The following UROC1 variants were observed in gnomAD, a reference collection of about 807,000 sequenced individuals.
UROC1 encodes the protein urocanate hydratase 1.
In UROC1, 79 loss-of-function variants were observed where a neutral mutation model predicts 89.5. The observed-to-expected ratio is 0.88, with a 90% CI of 0.74 to 1.06. The LOEUF is 1.06. Among genes scored for constraint, UROC1 ranks in the 50% least tolerant of loss-of-function variants. The pLI is 0.00. For missense variants in UROC1, 885 were observed against 907.8 expected, an observed-to-expected ratio of 0.97 and a Z score of 0.32; for synonymous variants, 361 against 354.8, an observed-to-expected ratio of 1.02 and a Z score of -0.20.
chr3:126,512,036 T>A (rs1490838968), intron 1 of UROC1, among the ~76,000 whole-genome samples: 1 of 152,248 alleles, frequency 6.6e-6, no homozygotes, highest in Non-Finnish European at 1.5e-5. Flanking sequence ...TAGAGTTACC[T>A]AACAGGCATG....
In UROC1 at chr3:126,503,979, G is replaced by C. The variant is rs1242392066; in HGVS notation, c.902+16C>G. 6.2e-7 allele frequency: 1 copy of C among 1,613,932 alleles called. No homozygotes were observed. The highest frequency in any genetic ancestry group is 2.2e-5 in the East Asian group (1 of 44,886). Reference sequence around the variant, plus strand: ...TGTCAGGTGTCAGGTGTCCGGAGTTGAGCTTGGAGCTGTACCTGAGCCTCT... The same window carrying C: ...TGTCAGGTGTCAGGTGTCCGGAGTTCAGCTTGGAGCTGTACCTGAGCCTCT... On this transcript the variant is annotated intron_variant, in intron 9 of 19. Coordinates refer to ENST00000290868, the MANE Select transcript of UROC1 (RefSeq NM_144639.3).
chr3:126,504,998 CTGTT>C (rs1310937495), intron 8 of UROC1, among the ~76,000 whole-genome samples: 1 of 152,142 alleles, frequency 6.6e-6, no homozygotes, highest in Non-Finnish European at 1.5e-5. Flanking sequence ...AGTTCTTGCT[CTGTT>C]TGTTCCTACA....
chr3:126,498,179 G>A lies in UROC1; in HGVS notation c.1317-7C>T. 3 of 1,614,152 alleles carry A rather than the reference G, an allele frequency of 1.9e-6. No individual in the cohort carries two copies. Among genetic ancestry groups the A allele is most frequent in the Non-Finnish European group, 2.5e-6 (3 of 1,180,016 alleles). On this transcript the variant is annotated splice_region_variant and splice_polypyrimidine_tract_variant and intron_variant, in intron 13 of 19. Transcript: ENST00000290868. ...TCCCTGGGAGAATATGTCCCTGCAA[G>A]CACAGATGCCTCCTCACCCTGGGCC... is the stretch of plus-strand genomic sequence containing the variant.
intron 11 of UROC1, 46 bp from the exon 12 acceptor site, chr3:126,500,200 C>T (rs1242356605): frequency 3.8e-6 from 6 of 1,597,030 alleles, no homozygotes; most frequent in African/African-American, 1.3e-5. Flanking sequence ...GGCCCTGGGG[C>T]CTCCCCAATG....
intron 18 of UROC1, among the ~76,000 whole-genome samples, chr3:126,486,803 A>T (rs989076354): frequency 2.0e-5 from 3 of 152,252 alleles, no homozygotes; most frequent in Non-Finnish European, 2.9e-5. Context: ...CCTTTCGAGT[A>T]GCCACGGTGG....
intron 19 of UROC1, among the ~76,000 whole-genome samples, chr3:126,483,085 G>A (rs374327766): frequency 3.3e-5 from 5 of 152,110 alleles, no homozygotes; most frequent in African/African-American, 4.8e-5. Flanking sequence ...TCATGCTCAC[G>A]CTCCGGGCCC....
At chr3:126,514,656 T>C (rs1468966256) in intron 1 of UROC1, among the ~76,000 whole-genome samples, 1 of 152,056 alleles carries the variant, frequency 6.6e-6, no homozygotes, top group Admixed American at 6.5e-5. Context: ...TAGATGCTTC[T>C]GCTTGTATTT....
At chr3:126,516,826 A>G (rs900215690) in intron 1 of UROC1, among the ~76,000 whole-genome samples, 4 of 149,742 alleles carry the variant, frequency 2.7e-5, no homozygotes, top group Admixed American at 2.7e-4. Flanking sequence ...GCTCCGGTGC[A>G]AAGGGCAGCC....
intron 5 of UROC1, 79 bp from the exon 6 acceptor site, chr3:126,507,882 G>C: frequency 6.2e-7 from 1 of 1,612,632 alleles, no homozygotes; most frequent in Non-Finnish European, 8.5e-7. Flanking sequence ...GATGCACAGC[G>C]TTGGGGCACT....
chr3:126,491,620 T>C (rs1392756366), intron 16 of UROC1, among the ~76,000 whole-genome samples: 1 of 152,188 alleles, frequency 6.6e-6, no homozygotes, highest in Non-Finnish European at 1.5e-5. Flanking sequence ...AATGTCTATC[T>C]TACACCTGAC....
Position 126,489,352 on chromosome 3 carries a change from A to T in UROC1, c.1632T>A (p.Asp544Glu). The change falls in exon 17 of 20, where the codon GAT becomes GAA. Residue 544 changes from aspartate (D) to glutamate (E), a missense_variant. Transcript: ENST00000290868. ...TGTCGGTGCCGCTCACGTCATGGTG[A>T]TCTCGGCTCAGGACCACCGGCGCCT... Reference protein sequence around the residue: ...RIKAPVVLSRDHHDVSGTDSP... With the variant: ...RIKAPVVLSREHHDVSGTDSP... 5.0e-6 allele frequency: 8 copies of T among 1,612,850 alleles called. No homozygotes were observed. The highest frequency in any genetic ancestry group is 6.8e-6 in the Non-Finnish European group (8 of 1,179,996).
At chr3:126,505,917 C>G (rs768036025) in intron 7 of UROC1, 28 bp downstream of exon 7, 1 of 1,612,910 alleles carries the variant, frequency 6.2e-7, no homozygotes, top group East Asian at 2.2e-5. Flanking sequence ...CTGGGAAGCC[C>G]ACAGCCAGGC....
At chr3:126,493,619 T>C (rs925946120) in intron 15 of UROC1, among the ~76,000 whole-genome samples, 1 of 152,092 alleles carries the variant, frequency 6.6e-6, no homozygotes, top group African/African-American at 2.4e-5. Context: ...GACAGAGTTT[T>C]GGTTTGGGAA....
intron 18 of UROC1, among the ~76,000 whole-genome samples, chr3:126,483,683 CCCTGTGCTGGGCCTGTCGG>C (rs1935446837): frequency 6.6e-6 from 1 of 152,218 alleles, no homozygotes. Flanking sequence ...CACTTGTGCC[CCCTGTGCTGGGCCTGTCGG>C]CCTCGTGCCC....
At chr3:126,515,287 TAAC>T (rs752759306) in intron 1 of UROC1, among the ~76,000 whole-genome samples, 1 of 151,736 alleles carries the variant, frequency 6.6e-6, no homozygotes, top group South Asian at 2.1e-4. Flanking sequence ...GAGGAAACAT[TAAC>T]AACACCTGGA....
intron 1 of UROC1, among the ~76,000 whole-genome samples, chr3:126,512,444 G>A (rs1056949709): frequency 3.3e-5 from 5 of 152,242 alleles, no homozygotes; most frequent in Admixed American, 1.3e-4. Flanking sequence ...AAAATATAAG[G>A]CTAGGCGTGG....
At chr3:126,510,536 T>C in intron 2 of UROC1, 128 bp downstream of exon 2, 3 of 1,460,292 alleles carry the variant, frequency 2.1e-6, no homozygotes, top group Admixed American at 3.9e-5. Flanking sequence ...CTCCCCTGCC[T>C]CCTGGTCTGG....
intron 6 of UROC1, among the ~76,000 whole-genome samples, chr3:126,506,875 C>T (rs892327661): frequency 2.6e-5 from 4 of 152,116 alleles, no homozygotes; most frequent in African/African-American, 7.2e-5. Flanking sequence ...GTCAGCGGTT[C>T]GAGACCAGCC....
Position 126,499,357 on chromosome 3 carries a change from G to A in UROC1, c.1296C>T (p.Ser432=), listed in dbSNP as rs1344038485. ...GAGRTEFRYP[S]YVQHIMGDIF... Reference sequence around the variant, plus strand: ...CTCACCCCATGATGTGCTGCACATAGGAAGGGTAGCGGAACTCTGTCCTGC... The same window carrying A: ...CTCACCCCATGATGTGCTGCACATAAGAAGGGTAGCGGAACTCTGTCCTGC... The change falls in exon 13 of 20, where the codon TCC becomes TCT. Residue 432 remains serine, a synonymous_variant. Transcript: ENST00000290868. The A allele has an allele frequency of 1.4e-5, 23 of 1,612,192 alleles. No homozygotes were observed. The highest frequency in any genetic ancestry group is 1.9e-5 in the Non-Finnish European group (23 of 1,179,720).
Sources: allele counts gnomAD v4.1 joint callset (sites outside exome capture counted in the v4.1 genomes callset), GRCh38; gene constraint gnomAD v4.1.1; transcripts MANE v1.5; gene names NCBI Gene and HGNC (gene_info 2026-07-23, HGNC 2026-07-21).